Variants in ZNHIT2 observed in about 807,000 individuals in gnomAD.
ZNHIT2 encodes zinc finger HIT domain-containing protein 2.
In ZNHIT2, 16 loss-of-function variants were observed where a neutral mutation model predicts 18.0. That is an observed-to-expected ratio of 0.89 (90% CI 0.60 to 1.35). The LOEUF is 1.35. ZNHIT2 is among the 40% of genes most tolerant of loss of function. ZNHIT2 has a pLI of 0.00. For synonymous variants in ZNHIT2, 336 were observed against 269.8 expected (o/e 1.25, Z -2.41); for missense variants, 631 against 566.4 (o/e 1.11, Z -1.16).
chr11:65,116,438 C>T lies in ZNHIT2; in HGVS notation c.*4G>A. Reference sequence around the variant, plus strand: ...CAGCTTTATTAATGACCAGGGTAACCCGTTCAGCTAGGGAGCTCCTCAATG... The same window carrying T: ...CAGCTTTATTAATGACCAGGGTAACTCGTTCAGCTAGGGAGCTCCTCAATG... On this transcript the variant is annotated 3_prime_UTR_variant, in exon 1 of 1. Coordinates refer to ENST00000310597, the MANE Select transcript of ZNHIT2 (RefSeq NM_014205.4). 2 of 1,511,524 alleles carry T rather than the reference C, an allele frequency of 1.3e-6. No homozygotes were observed. The highest frequency in any genetic ancestry group is 1.8e-6 in the Non-Finnish European group (2 of 1,129,220). The allele number at this position is 1,511,524 out of a possible 1,614,324, so 93.6% of individuals were successfully genotyped here.
chr11:65,117,498 TC>T lies in ZNHIT2; in HGVS notation c.155del (p.Gly52GlufsTer13), dbSNP rs752488424. ...AENFYRDQVLGELRGCSAPPS... is the reference protein window; with the variant it reads ...AENFYRDQVLXELRGCSAPPS... ...GAGGAGCGCTGCAACCGCGGAGCTCTCCCAGCACCTGGTCACGGTAGAAGTT... is the reference window on the plus strand; with the variant it reads ...GAGGAGCGCTGCAACCGCGGAGCTCTCCAGCACCTGGTCACGGTAGAAGTT... On this transcript the variant is annotated frameshift_variant, in exon 1 of 1. Coordinates refer to ENST00000310597, the MANE Select transcript of ZNHIT2 (RefSeq NM_014205.4). LOFTEE classifies it high-confidence loss of function. 4 of 1,584,814 alleles carry T rather than the reference TC, an allele frequency of 2.5e-6. No homozygotes were observed. The South Asian group carries it at 3.4e-5, about 13-fold the overall frequency.
Position 65,116,727 on chromosome 11 carries a change from T to C in ZNHIT2, c.927A>G (p.Ala309=). The change falls in exon 1 of 1, where the codon GCA becomes GCG. Residue 309 remains alanine (A), a synonymous_variant. Coordinates refer to ENST00000310597, the MANE Select transcript of ZNHIT2 (RefSeq NM_014205.4). ...PTNQKGYTLA[A]LGDLAQTLGR... ...CCAGGGTCTGTGCCAGGTCCCCCAG[T>C]GCTGCCAGCGTGTAGCCTTTCTGGT... is the stretch of plus-strand genomic sequence containing the variant. The C allele has an allele frequency of 6.2e-7, 1 of 1,612,860 alleles. No individual in the cohort carries two copies. Among genetic ancestry groups the C allele is most frequent in the Non-Finnish European group, 8.5e-7 (1 of 1,179,318 alleles).
chr11:65,117,177 C>A lies in ZNHIT2; in HGVS notation c.477G>T (p.Ala159=). Residue 159 remains alanine (A), a synonymous_variant, in exon 1 of 1, where the codon GCG becomes GCT. Transcript: ENST00000310597. The part of the protein sequence containing the change: ...SDAAELELAP[A]RTPPDSVKDA... ...CTTTCACAGAATCCGGCGGGGTCCT[C>A]GCAGGGGCGAGCTCCAGCTCCGCGG... The A allele has an allele frequency of 6.4e-7, 1 of 1,558,870 alleles. No individual in the cohort carries two copies.
rs755114348 is a variant in ZNHIT2, at chr11:65,116,522, G to T, written c.1132C>A (p.Leu378Ile). Residue 378 changes from leucine to isoleucine, a missense_variant, in exon 1 of 1, where the codon CTC (leucine) becomes ATC (isoleucine). By Grantham distance (5) the Leu-to-Ile change is conservative. Transcript: ENST00000310597. ...HAVVAEEVAA[L>I]TGELERLWGG... ...CAAAGCCGCTCCAGCTCCCCAGTGA[G>T]GGCGGCCACCTCCTCGGCTACCACA... The T allele has an allele frequency of 1.9e-6, 3 of 1,538,982 alleles. No individual in the cohort carries two copies. In the East Asian group the frequency reaches 6.8e-5, roughly 35 times the overall value.
In ZNHIT2 at chr11:65,117,183, G is replaced by A. The variant is rs1279096971; in HGVS notation, c.471C>T (p.Ala157=). The change falls in exon 1 of 1, where the codon GCC becomes GCT. Residue 157 remains alanine (A), a synonymous_variant. Coordinates refer to ENST00000310597, the MANE Select transcript of ZNHIT2 (RefSeq NM_014205.4). ...PGSDAAELEL[A]PARTPPDSVK... is the part of the protein sequence containing the mutation. ...CAGAATCCGGCGGGGTCCTCGCAGG[G>A]GCGAGCTCCAGCTCCGCGGCGTCAC... 2 of 1,555,126 alleles carry A rather than the reference G, an allele frequency of 1.3e-6. No individual in the cohort carries two copies. Among genetic ancestry groups the A allele is most frequent in the South Asian group, 1.2e-5 (1 of 84,584 alleles).
rs753283789 is a variant in ZNHIT2, at chr11:65,117,369, T to C, written c.285A>G (p.Leu95=). 3.3e-5 allele frequency: 50 copies of C among 1,505,774 alleles called. No homozygotes were observed. Among genetic ancestry groups the C allele is most frequent in the African/African-American group, 7.2e-5 (5 of 69,628 alleles). 93.3% of individuals were successfully genotyped at this position (1,505,774 alleles called of 1,614,324 possible). The change falls in exon 1 of 1, where the codon CTA becomes CTG. Residue 95 remains leucine (L), a synonymous_variant. Transcript: ENST00000310597. ...GLSSGPAPGG[L]SGLWERLAPG... The stretch of plus-strand genomic sequence containing the variant: ...GCGCCAGCCGCTCCCAGAGTCCCGA[T>C]AGGCCGCCGGGCGCCGGGCCGGAGC...
Position 65,117,600 on chromosome 11 carries a change from C to T in ZNHIT2, c.54G>A (p.Ala18=). The T allele has an allele frequency of 3.9e-6, 6 of 1,534,050 alleles. No individual in the cohort carries two copies. The highest frequency in any genetic ancestry group is 5.2e-6 in the Non-Finnish European group (6 of 1,147,914). Residue 18 remains alanine, a synonymous_variant, in exon 1 of 1, where the codon GCG becomes GCA. Transcript: ENST00000310597. ...GFCPAGEVQP[A]RYTCPRCNAP... ...CATTACAGCGAGGGCAGGTGTAACG[C>T]GCTGGCTGGACCTCCCCCGCCGGGC...
At position 65,116,991 on chromosome 11, in the gene ZNHIT2, G is replaced by C. The variant is rs1311492350; in HGVS notation, c.663C>G (p.Ala221=). The C allele has an allele frequency of 6.2e-7, 1 of 1,602,482 alleles. No individual in the cohort carries two copies. Among genetic ancestry groups the C allele is most frequent in the Non-Finnish European group, 8.5e-7 (1 of 1,177,608 alleles). ...VRFQLPNVLF[A]YAHTLALYHG... ...GATACAGGGCGAGAGTATGCGCGTA[G>C]GCGAACAGCACATTGGGCAGCTGGA... Residue 221 remains alanine (A), a synonymous_variant, in exon 1 of 1, where the codon GCC becomes GCG. Transcript: ENST00000310597.
chr11:65,117,634 C>T lies in ZNHIT2; in HGVS notation c.20G>A (p.Cys7Tyr). The T allele has an allele frequency of 1.4e-6, 2 of 1,472,428 alleles. No homozygotes were observed. Among genetic ancestry groups the T allele is most frequent in the Non-Finnish European group, 1.8e-6 (2 of 1,115,596 alleles). The allele number at this position is 1,472,428 out of a possible 1,614,324, so 91.2% of individuals were successfully genotyped here. ...GACCTCCCCCGCCGGGCAGAAGCCA[C>T]AGGGCCCGGCCGGCTCCATGGCAAC... is the stretch of plus-strand genomic sequence containing the variant. MEPAGP[C>Y]GFCPAGEVQP... is the part of the protein sequence containing the mutation. Residue 7 changes from cysteine to tyrosine, a missense_variant, in exon 1 of 1, where the codon TGT becomes TAT. Coordinates refer to ENST00000310597, the MANE Select transcript of ZNHIT2 (RefSeq NM_014205.4).
rs1417839083 is a variant in ZNHIT2 at position 65,116,525 on chromosome 11, C to T, written c.1129G>A (p.Ala377Thr). 6.5e-7 allele frequency: 1 copy of T among 1,539,902 alleles called. No individual in the cohort carries two copies. Among genetic ancestry groups the T allele is most frequent in the Non-Finnish European group, 8.8e-7 (1 of 1,138,988 alleles). ...AGCCGCTCCAGCTCCCCAGTGAGGG[C>T]GGCCACCTCCTCGGCTACCACAGCA... ...AHAVVAEEVA[A>T]LTGELERLWG... The change falls in exon 1 of 1, where the codon GCC (alanine) becomes ACC (threonine). Residue 377 changes from alanine to threonine, a missense_variant. By Grantham distance (58) the Ala-to-Thr change is moderately conservative. Coordinates refer to ENST00000310597, the MANE Select transcript of ZNHIT2 (RefSeq NM_014205.4).
At position 65,117,543 on chromosome 11, in the gene ZNHIT2, C is replaced by T. The variant is rs370154544; in HGVS notation, c.111G>A (p.Thr37=). 1.1e-5 allele frequency: 18 copies of T among 1,590,428 alleles called. No individual in the cohort carries two copies. Among genetic ancestry groups the T allele is most frequent in the Non-Finnish European group, 1.4e-5 (17 of 1,175,748 alleles). Residue 37 remains threonine (T), a synonymous_variant, in exon 1 of 1, where the codon ACG becomes ACA. Coordinates refer to ENST00000310597, the MANE Select transcript of ZNHIT2 (RefSeq NM_014205.4). ...APYCSLRCYR[T]HGTCAENFYR... ...AGAAGTTTTCTGCGCAGGTGCCATG[C>T]GTCCGGTAGCAGCGCAGCGAGCAGT... is the stretch of plus-strand genomic sequence containing the variant.
rs925222690 is a variant in ZNHIT2, at chr11:65,117,624, G to A, written c.30C>T (p.Cys10=). ...GCGCTGGCTGGACCTCCCCCGCCGGGCAGAAGCCACAGGGCCCGGCCGGCT... is the reference window on the plus strand; with the variant it reads ...GCGCTGGCTGGACCTCCCCCGCCGGACAGAAGCCACAGGGCCCGGCCGGCT... MEPAGPCGF[C]PAGEVQPARY... is the part of the protein sequence containing the mutation. The change falls in exon 1 of 1, where the codon TGC becomes TGT. Residue 10 remains cysteine (C), a synonymous_variant. Transcript: ENST00000310597. 2 of 1,488,346 alleles carry A rather than the reference G, an allele frequency of 1.3e-6. No homozygotes were observed. Among genetic ancestry groups the A allele is most frequent in the Non-Finnish European group, 1.8e-6 (2 of 1,123,232 alleles). The allele number at this position is 1,488,346 out of a possible 1,614,324, so 92.2% of individuals were successfully genotyped here.
chr11:65,117,488 C>T lies in ZNHIT2; in HGVS notation c.166G>A (p.Gly56Ser), dbSNP rs752207335. 4 of 1,574,264 alleles carry T rather than the reference C, an allele frequency of 2.5e-6. No homozygotes were observed. In the South Asian group the frequency reaches 4.6e-5, roughly 18 times the overall value. Residue 56 changes from glycine (G) to serine (S), a missense_variant, in exon 1 of 1, where the codon GGT becomes AGT. By Grantham distance (56) the Gly-to-Ser change is moderately conservative. Transcript: ENST00000310597. ...AGGCGGCTGGGAGGAGCGCTGCAAC[C>T]GCGGAGCTCTCCCAGCACCTGGTCA... ...YRDQVLGELR[G>S]CSAPPSRLAS...
At position 65,116,973 on chromosome 11, in the gene ZNHIT2, G is replaced by C. The variant is rs1290208184; in HGVS notation, c.681C>G (p.Ala227=). The C allele has an allele frequency of 6.2e-7, 1 of 1,602,552 alleles. No homozygotes were observed. Among genetic ancestry groups the C allele is most frequent in the Middle Eastern group, 1.7e-4 (1 of 6,058 alleles). The change falls in exon 1 of 1, where the codon GCC becomes GCG. Residue 227 remains alanine, a synonymous_variant. Transcript: ENST00000310597. ...GCGCGTCGTCACCGCCGTGATACAGGGCGAGAGTATGCGCGTAGGCGAACA... is the reference window on the plus strand; with the variant it reads ...GCGCGTCGTCACCGCCGTGATACAGCGCGAGAGTATGCGCGTAGGCGAACA... ...NVLFAYAHTL[A]LYHGGDDALL...
chr11:65,117,593 T>C lies in ZNHIT2; in HGVS notation c.61A>G (p.Thr21Ala). Reference sequence around the variant, plus strand: ...TAGGGCGCATTACAGCGAGGGCAGGTGTAACGCGCTGGCTGGACCTCCCCC... The same window carrying C: ...TAGGGCGCATTACAGCGAGGGCAGGCGTAACGCGCTGGCTGGACCTCCCCC... ...PAGEVQPARY[T>A]CPRCNAPYCS... Residue 21 changes from threonine (T) to alanine (A), a missense_variant, in exon 1 of 1, where the codon ACC (threonine) becomes GCC (alanine). Thr to Ala is a moderately conservative substitution (Grantham distance 58). Transcript: ENST00000310597. 6.5e-7 allele frequency: 1 copy of C among 1,547,002 alleles called. No individual in the cohort carries two copies. Among genetic ancestry groups the C allele is most frequent in the Non-Finnish European group, 8.7e-7 (1 of 1,154,578 alleles).
Position 65,116,810 on chromosome 11 carries a change from CCAGGGGCCCCGGCGGGTGCT to C in ZNHIT2, c.824_843del (p.Glu275GlyfsTer46), listed in dbSNP as rs760858928. The C allele has an allele frequency of 6.2e-7, 1 of 1,609,578 alleles. No homozygotes were observed. Among genetic ancestry groups the C allele is most frequent in the South Asian group, 1.1e-5 (1 of 90,880 alleles). On this transcript the variant is annotated frameshift_variant, in exon 1 of 1. Coordinates refer to ENST00000310597, the MANE Select transcript of ZNHIT2 (RefSeq NM_014205.4). LOFTEE classifies it high-confidence loss of function. ...ACCTCGTGCATAGCCCCTCGTGTGC[CCAGGGGCCCCGGCGGGTGCT>C]CGCCTGCTTCCAGCACGTGGGCTGC...
In ZNHIT2 at chr11:65,117,401, C is replaced by G. The variant is rs1266809307; in HGVS notation, c.253G>C (p.Gly85Arg). 2.0e-6 allele frequency: 3 copies of G among 1,495,604 alleles called. No individual in the cohort carries two copies. The highest frequency in any genetic ancestry group is 1.3e-5 in the South Asian group (1 of 79,704). The allele number at this position is 1,495,604 out of a possible 1,614,324, so 92.6% of individuals were successfully genotyped here. A position where few individuals can be genotyped will look rare whatever the true frequency, so the allele number is the denominator to read the frequency against. Residue 85 changes from glycine (G) to arginine (R), a missense_variant, in exon 1 of 1, where the codon GGC (glycine) becomes CGC (arginine). Physicochemically the swap from Gly to Arg is moderately radical, Grantham distance 125 (BLOSUM62 -2). Coordinates refer to ENST00000310597, the MANE Select transcript of ZNHIT2 (RefSeq NM_014205.4). Reference sequence around the variant, plus strand: ...CCGGGCGCCGGGCCGGAGCTGAGGCCTGCTTCCCCAGGCTCGTCCTCGGTC... The same window carrying G: ...CCGGGCGCCGGGCCGGAGCTGAGGCGTGCTTCCCCAGGCTCGTCCTCGGTC... Reference protein sequence around the residue: ...RETEDEPGEAGLSSGPAPGGL... With the variant: ...RETEDEPGEARLSSGPAPGGL...
chr11:65,117,357 C>T lies in ZNHIT2; in HGVS notation c.297G>A (p.Trp99Ter). The change falls in exon 1 of 1, where the codon TGG (tryptophan) becomes TGA (stop). Residue 99 changes from tryptophan (W) to a stop codon, truncating the protein, a stop_gained. Coordinates refer to ENST00000310597, the MANE Select transcript of ZNHIT2 (RefSeq NM_014205.4). LOFTEE classifies it high-confidence loss of function. ...CTTTTTCGCCCGGCGCCAGCCGCTC[C>T]CAGAGTCCCGATAGGCCGCCGGGCG... is the stretch of plus-strand genomic sequence containing the variant. ...GPAPGGLSGL[W>*]ERLAPGEKAA... The T allele has an allele frequency of 6.6e-7, 1 of 1,511,600 alleles. No individual in the cohort carries two copies. Among genetic ancestry groups the T allele is most frequent in the African/African-American group, 1.4e-5 (1 of 69,970 alleles). 93.6% of individuals were successfully genotyped at this position (1,511,600 alleles called of 1,614,324 possible). A position where few individuals can be genotyped will look rare whatever the true frequency, so the allele number is the denominator to read the frequency against.
In ZNHIT2 at chr11:65,117,125, C is replaced by A. The variant is rs1195087681; in HGVS notation, c.529G>T (p.Ala177Ser). 3 of 1,581,080 alleles carry A rather than the reference C, an allele frequency of 1.9e-6. No homozygotes were observed. The highest frequency in any genetic ancestry group is 1.8e-5 in the Admixed American group (1 of 56,820). ...GGGACATCTCCAAGAACCCGCTCGG[C>A]GGCCGCGGGCTCCGCGGCGGAGGCA... ...KDASAAEPAAAERVLGDVPGA... is the reference protein window; with the variant it reads ...KDASAAEPAASERVLGDVPGA... The change falls in exon 1 of 1, where the codon GCC becomes TCC. Residue 177 changes from alanine (A) to serine (S), a missense_variant. Coordinates refer to ENST00000310597, the MANE Select transcript of ZNHIT2 (RefSeq NM_014205.4).
Sources: gnomAD v4.1 joint callset for allele counts on GRCh38, gnomAD v4.1.1 for gene constraint, MANE v1.5 for transcripts, NCBI Gene and HGNC (gene_info 2026-07-23, HGNC 2026-07-21) for gene names.